MSN: variants seen among roughly 807,000 people sequenced by gnomAD.
MSN encodes epididymis luminal protein 70.
Under a neutral mutation model 48.0 loss-of-function variants are expected in MSN, and 2 were observed. That is an observed-to-expected ratio of 0.04 (90% CI 0.02 to 0.13). The LOEUF (loss-of-function observed/expected upper bound fraction) is 0.13, where lower values mean the gene tolerates loss of function less well. Among genes scored for constraint, MSN ranks in the 10% least tolerant of loss-of-function variants. The pLI, the probability that MSN is intolerant of heterozygous loss-of-function variation, is 1.00. For missense variants in MSN, 267 were observed against 470.1 expected, an observed-to-expected ratio of 0.57 and a Z score of 3.99; for synonymous variants, 146 against 166.9, an observed-to-expected ratio of 0.87 and a Z score of 0.97.
intron 1 of MSN, among the ~76,000 whole-genome samples, chrX:65,601,743 C>T (rs1470209606): frequency 8.9e-6 from 1 of 112,872 alleles, no homozygotes. Flanking sequence ...CTTTGGGCTG[C>T]AACAACAGGA....
chrX:65,662,665 A>T (rs1480761735), upstream of MSN, among the ~76,000 whole-genome samples: 2 of 112,563 alleles, frequency 1.8e-5, no homozygotes, highest in South Asian at 7.2e-4. Flanking sequence ...TAAATTTAAG[A>T]TCTCAAACTA....
intron 1 of MSN, among the ~76,000 whole-genome samples, chrX:65,700,348 A>C (rs2071289940): frequency 9.0e-6 from 1 of 111,662 alleles, no homozygotes; most frequent in Non-Finnish European, 1.9e-5. Context: ...GGTATTTGTG[A>C]AGAGATCTTA....
At chrX:65,648,149 G>A (rs2070709362) in intron 1 of MSN, among the ~76,000 whole-genome samples, 1 of 110,480 alleles carries the variant, frequency 9.1e-6, no homozygotes, top group Non-Finnish European at 1.9e-5. Flanking sequence ...GGGGGCGTGA[G>A]GAAAAAGAAG....
intron 1 of MSN, among the ~76,000 whole-genome samples, chrX:65,589,375 G>C (rs1387488784): frequency 1.8e-5 from 2 of 112,012 alleles, no homozygotes; most frequent in Non-Finnish European, 1.9e-5. Context: ...GCCCCTGAAA[G>C]ACATCTGTTT....
intron 1 of MSN, among the ~76,000 whole-genome samples, chrX:65,612,840 C>A (rs1293387199): frequency 1.9e-5 from 2 of 102,744 alleles, no homozygotes; most frequent in East Asian, 5.7e-4. Context: ...AGCCACTGCA[C>A]CCGAACCATG....
At chrX:65,727,948 C>CT (rs769303781) in intron 3 of MSN, 39 bp downstream of exon 3, 4 of 1,135,046 alleles carry the variant, frequency 3.5e-6, no homozygotes, top group Non-Finnish European at 4.8e-6. Context: ...GAATTCTTTT[C>CT]TTTTCCAGAA....
chrX:65,739,320 G>A (rs750486164), intron 12 of MSN, 126 bp downstream of exon 12: 92 of 642,681 alleles, frequency 1.4e-4, no homozygotes, highest in African/African-American at 3.3e-4. Context: ...AGCCCAAGCC[G>A]TTCTTAAGTG....
chrX:65,726,523 C>A (rs1602857785), intron 2 of MSN, among the ~76,000 whole-genome samples: 1 of 111,157 alleles, frequency 9.0e-6, no homozygotes, highest in South Asian at 3.8e-4. Flanking sequence ...AGATTGTAAA[C>A]TCTGGGTGTG....
At chrX:65,679,151 G>A (rs765725164) in intron 1 of MSN, among the ~76,000 whole-genome samples, 1 of 111,570 alleles carries the variant, frequency 9.0e-6, no homozygotes, top group South Asian at 3.8e-4. Context: ...TGGGGTCTTG[G>A]AGTCCAGCCT....
intron 1 of MSN, among the ~76,000 whole-genome samples, chrX:65,620,698 C>T (rs868860106): frequency 4.7e-5 from 5 of 106,321 alleles, no homozygotes; most frequent in Non-Finnish European, 9.7e-5. Flanking sequence ...AGCTGTAGAC[C>T]GGAGCTGCTC....
intron 1 of MSN, among the ~76,000 whole-genome samples, chrX:65,647,119 A>G (rs12156896): frequency 0.011 from 1,248 of 111,772 alleles, 9 homozygotes; most frequent in Middle Eastern, 0.051. Context: ...GGAGACAGAC[A>G]TTAATCAACT....
chrX:65,648,281 G>A (rs904322922), intron 1 of MSN, among the ~76,000 whole-genome samples: 4 of 112,106 alleles, frequency 3.6e-5, no homozygotes, highest in Admixed American at 9.5e-5. Context: ...TGGGAGGCGC[G>A]GTGGCTCACG....
At chrX:65,662,995 C>T (rs751415443), upstream of MSN, among the ~76,000 whole-genome samples, 39 of 112,208 alleles carry the variant, frequency 3.5e-4, no homozygotes, top group Non-Finnish European at 6.9e-4. Flanking sequence ...TGGCGGCTCA[C>T]GCCTGTAATC....
chrX:65,662,067 A>G (rs2070828077), intron 1 of MSN, among the ~76,000 whole-genome samples: 1 of 112,501 alleles, frequency 8.9e-6, no homozygotes, highest in Admixed American at 9.5e-5. Context: ...GGAGTACAGC[A>G]GCTAACCAAG....
chrX:65,614,449 T>C (rs2070348577), intron 1 of MSN, among the ~76,000 whole-genome samples: 1 of 109,931 alleles, frequency 9.1e-6, no homozygotes, highest in South Asian at 3.9e-4. Flanking sequence ...ATTGAAGCTA[T>C]AAATTACTTT....
intron 1 of MSN, among the ~76,000 whole-genome samples, chrX:65,617,976 T>C (rs2070392526): frequency 9.2e-6 from 1 of 108,713 alleles, no homozygotes; most frequent in African/African-American, 3.4e-5. Flanking sequence ...CCAGTAGTCA[T>C]TCAGGAGCAG....
intron 1 of MSN, among the ~76,000 whole-genome samples, chrX:65,655,232 G>A (rs944042194): frequency 1.8e-5 from 2 of 111,163 alleles, no homozygotes; most frequent in Non-Finnish European, 3.8e-5. Flanking sequence ...AGATAGGCTT[G>A]TTTCATTATA....
At chrX:65,633,544 C>T (rs993798254) in intron 1 of MSN, among the ~76,000 whole-genome samples, 3 of 112,003 alleles carry the variant, frequency 2.7e-5, no homozygotes, top group Non-Finnish European at 5.6e-5. Context: ...TGTATTTCCC[C>T]AGGCCTCTCA....
chrX:65,680,453 C>A (rs2071043535), intron 1 of MSN, among the ~76,000 whole-genome samples: 1 of 111,843 alleles, frequency 8.9e-6, no homozygotes, highest in African/African-American at 3.3e-5. Context: ...AAAGGCTATG[C>A]CATAATTTAA....
Sources: allele counts gnomAD v4.1 joint callset (sites outside exome capture counted in the v4.1 genomes callset), GRCh38; gene constraint gnomAD v4.1.1; transcripts MANE v1.5; gene names NCBI Gene and HGNC (gene_info 2026-07-23, HGNC 2026-07-21).